Variants in ARHGAP28 observed in about 807,000 individuals in gnomAD.
ARHGAP28 encodes the protein rho GTPase-activating protein 28.
Under a neutral mutation model 90.7 loss-of-function variants are expected in ARHGAP28, and 56 were observed. The ratio of observed to expected loss-of-function variants is 0.62; its 90% CI spans 0.50 to 0.77. The LOEUF is 0.77. Among genes scored for constraint, ARHGAP28 ranks in the 30% least tolerant of loss-of-function variants. The pLI, the probability that ARHGAP28 is intolerant of heterozygous loss-of-function variation, is 0.00. For synonymous variants in ARHGAP28, 308 were observed against 323.3 expected (o/e 0.95, Z 0.51); for missense variants, 869 against 900.9 (o/e 0.96, Z 0.45).
At chr18:6,860,587 C>T (rs2056989982) in intron 5 of ARHGAP28, among the ~76,000 whole-genome samples, 1 of 152,180 alleles carries the variant, frequency 6.6e-6, no homozygotes, top group South Asian at 2.1e-4. Context: ...GTTAGCACAA[C>T]AGCCACTCAG....
chr18:6,831,471 G>GTTTTTTTT (rs57331018), intron 2 of ARHGAP28, among the ~76,000 whole-genome samples: 132 of 109,230 alleles, frequency 1.2e-3, no homozygotes, highest in East Asian at 1.6e-3. Context: ...GTATCTTGAT[G>GTTTTTTTT]TTTTTTTTTT....
At position 6,874,609 on chromosome 18, in the gene ARHGAP28, CAT is replaced by C. The variant is rs902042344; in HGVS notation, c.1212+838_1212+839del. On this transcript the variant is annotated intron_variant, in intron 9 of 17. Coordinates refer to ENST00000383472, the MANE Select transcript of ARHGAP28 (RefSeq NM_001366230.1). ...TATTTTAAAATATTGTCTAAGGAAA[CAT>C]ATACTTACCTGACACTGATAATCAT... The C allele has an allele frequency of 7.2e-5, 11 of 152,190 alleles. 1 individual carries two copies. The highest frequency in any genetic ancestry group is 2.0e-4 in the Admixed American group (3 of 15,274). The allele number at this position is 152,190 out of a possible 1,614,324, so 9.4% of individuals were successfully genotyped here. A position where few individuals can be genotyped will look rare whatever the true frequency, so the allele number is the denominator to read the frequency against.
chr18:6,863,099 G>A (rs2057010915), intron 5 of ARHGAP28, among the ~76,000 whole-genome samples: 1 of 151,964 alleles, frequency 6.6e-6, no homozygotes, highest in African/African-American at 2.4e-5. Flanking sequence ...GACTCAGTAT[G>A]TAAAATAATT....
intron 1 of ARHGAP28, among the ~76,000 whole-genome samples, chr18:6,778,333 C>G (rs907760690): frequency 6.6e-6 from 1 of 152,174 alleles, no homozygotes; most frequent in Non-Finnish European, 1.5e-5. Flanking sequence ...TGGCAGCCTC[C>G]TATATCCTAA....
At chr18:6,890,217 G>T in intron 13 of ARHGAP28, 132 bp downstream of exon 13, 1 of 998,428 alleles carries the variant, frequency 1.0e-6, no homozygotes, top group South Asian at 1.6e-5. Context: ...GGCTGTGACA[G>T]CCTTACACCT....
At chr18:6,733,796 T>A (rs2055903288) in intron 1 of ARHGAP28, among the ~76,000 whole-genome samples, 1 of 152,240 alleles carries the variant, frequency 6.6e-6, no homozygotes, top group African/African-American at 2.4e-5. Flanking sequence ...TTCTCACTTA[T>A]TTTCCATTTT....
intron 16 of ARHGAP28, among the ~76,000 whole-genome samples, chr18:6,904,717 A>C (rs945466519): frequency 6.6e-6 from 1 of 152,188 alleles, no homozygotes; most frequent in Non-Finnish European, 1.5e-5. Flanking sequence ...GGATGACACA[A>C]ATCAAGAATA....
intron 17 of ARHGAP28, among the ~76,000 whole-genome samples, chr18:6,909,247 G>GGTCTT (rs1474555955): frequency 5.7e-5 from 7 of 123,372 alleles, no homozygotes; most frequent in Middle Eastern, 4.8e-3. Context: ...AGTAGGCTTG[G>GGTCTT]GTCTTTTCTT....
intron 1 of ARHGAP28, among the ~76,000 whole-genome samples, chr18:6,746,934 A>AGCACTGTAT (rs1368777802): frequency 1.0e-4 from 11 of 105,154 alleles, no homozygotes; most frequent in Non-Finnish European, 2.6e-4. Context: ...AACAAAAAAC[A>AGCACTGTAT]GCACTGTATA....
intron 4 of ARHGAP28, among the ~76,000 whole-genome samples, chr18:6,855,290 T>C (rs1334197315): frequency 6.6e-6 from 1 of 152,124 alleles, no homozygotes; most frequent in Non-Finnish European, 1.5e-5. Flanking sequence ...GGATGGTGCT[T>C]TTTCCAGGCC....
At chr18:6,731,237 T>C (rs947361226) in intron 1 of ARHGAP28, among the ~76,000 whole-genome samples, 2 of 152,258 alleles carry the variant, frequency 1.3e-5, no homozygotes, top group Admixed American at 1.3e-4. Flanking sequence ...TAAACATAAT[T>C]ATTGGCTGTA....
intron 2 of ARHGAP28, among the ~76,000 whole-genome samples, chr18:6,831,471 G>GTTTTTTTTTTTTTTTTTT (rs57331018): frequency 1.1e-3 from 122 of 109,278 alleles, no homozygotes; most frequent in Non-Finnish European, 1.3e-3. Flanking sequence ...GTATCTTGAT[G>GTTTTTTTTTTTTTTTTTT]TTTTTTTTTT....
intron 1 of ARHGAP28, among the ~76,000 whole-genome samples, chr18:6,784,189 G>T (rs2056348868): frequency 6.6e-6 from 1 of 152,098 alleles, no homozygotes; most frequent in African/African-American, 2.4e-5. Context: ...CTCTGGGCTG[G>T]CTTGCTCCTG....
intron 3 of ARHGAP28, chr18:6,850,691 C>A (rs965465240): frequency 3.3e-5 from 26 of 791,806 alleles, no homozygotes; most frequent in Non-Finnish European, 4.8e-5. Context: ...CTGGATGGAA[C>A]CATCACATGA....
At chr18:6,849,282 C>CAA (rs2056891134) in intron 3 of ARHGAP28, among the ~76,000 whole-genome samples, 1 of 145,456 alleles carries the variant, frequency 6.9e-6, no homozygotes, top group Non-Finnish European at 1.5e-5. Context: ...AAAAGTTAAC[C>CAA]GGGGTAAGCG....
intron 1 of ARHGAP28, among the ~76,000 whole-genome samples, chr18:6,749,778 C>A (rs1216345794): frequency 2.6e-5 from 4 of 152,250 alleles, no homozygotes; most frequent in Non-Finnish European, 5.9e-5. Context: ...TATAATCAGT[C>A]TGCCCTTTGA....
intron 1 of ARHGAP28, among the ~76,000 whole-genome samples, chr18:6,794,069 T>C (rs1170235384): frequency 6.6e-6 from 1 of 152,176 alleles, no homozygotes; most frequent in Admixed American, 6.5e-5. Context: ...AAAAAGTGTA[T>C]GGCGTGCAGT....
At chr18:6,744,023 A>C (rs948203080) in intron 1 of ARHGAP28, among the ~76,000 whole-genome samples, 1 of 152,216 alleles carries the variant, frequency 6.6e-6, no homozygotes, top group Non-Finnish European at 1.5e-5. Context: ...TGAATGGTTC[A>C]ATGAATGAAT....
intron 1 of ARHGAP28, among the ~76,000 whole-genome samples, chr18:6,762,460 C>T (rs1431051963): frequency 6.6e-6 from 1 of 152,162 alleles, no homozygotes; most frequent in East Asian, 1.9e-4. Flanking sequence ...ATTCAGTTTC[C>T]CCTTCAACAT....
Sources: allele counts gnomAD v4.1 joint callset (sites outside exome capture counted in the v4.1 genomes callset), GRCh38; gene constraint gnomAD v4.1.1; transcripts MANE v1.5; gene names NCBI Gene and HGNC (gene_info 2026-07-23, HGNC 2026-07-21).